The following WHRN variants were observed in gnomAD, a reference collection of about 807,000 sequenced individuals.
WHRN encodes the protein CASK-interacting protein CIP98.
Under a neutral mutation model 68.3 loss-of-function variants are expected in WHRN, and 41 were observed. The ratio of observed to expected loss-of-function variants is 0.60; its 90% confidence interval spans 0.47 to 0.78. The LOEUF (loss-of-function observed/expected upper bound fraction) is 0.78. Ranked by LOEUF, WHRN falls within the 30% of genes least tolerant of loss-of-function variation. The pLI is 0.00. For missense variants in WHRN, 1,243 were observed against 1,244.7 expected (o/e 1.00, Z 0.02); for synonymous variants, 560 against 561.3 (o/e 1.00, Z 0.03).
chr9:114,462,501 A>T (rs7851906), intron 3 of WHRN, among the ~76,000 whole-genome samples: 113,435 of 152,118 alleles, frequency 0.75, 42,502 homozygotes, highest in East Asian at 0.97. Context: ...CCAGGGCTCC[A>T]GTCCTTCCCT....
intron 3 of WHRN, among the ~76,000 whole-genome samples, chr9:114,456,576 C>A (rs1474936555): frequency 6.6e-6 from 1 of 151,994 alleles, no homozygotes; most frequent in African/African-American, 2.4e-5. Context: ...GTCTGTAATC[C>A]CAGCACTTTG....
chr9:114,469,663 C>G (rs1169691612), intron 2 of WHRN, among the ~76,000 whole-genome samples: 2 of 152,246 alleles, frequency 1.3e-5, no homozygotes, highest in East Asian at 3.8e-4. Flanking sequence ...GCTGAGAAGG[C>G]ACGGCAGCCC....
In WHRN at chr9:114,486,959, GTATATATATATATATATA is replaced by G. The variant is rs869241280; in HGVS notation, c.619-8206_619-8189del. On this transcript the variant is annotated intron_variant, in intron 1 of 11. Transcript: ENST00000362057. The stretch of plus-strand genomic sequence containing the variant: ...GTGTGTGTTGTGTGTGTGTGTGTGT[GTATATATATATATATATA>G]TATATATATATATATATATATATAT... 5.6e-3 allele frequency among the ~76,000 whole-genome samples: 28 copies of G among 5,034 alleles called. 2 individuals are homozygous for G. The highest frequency in any genetic ancestry group is 6.3e-3 in the African/African-American group (26 of 4,156). 3.3% of individuals were successfully genotyped at this position (5,034 alleles called of 152,430 possible). A position where few individuals can be genotyped will look rare whatever the true frequency, so the allele number is the denominator to read the frequency against.
At chr9:114,441,018 A>C (rs1023824860) in intron 3 of WHRN, among the ~76,000 whole-genome samples, 1 of 152,234 alleles carries the variant, frequency 6.6e-6, no homozygotes, top group Admixed American at 6.5e-5. Flanking sequence ...TGAGGTCTGC[A>C]GCTACACTCG....
chr9:114,403,442 G>A (rs976211489), intron 10 of WHRN, 103 bp from the exon 11 acceptor site: 87 of 1,500,502 alleles, frequency 5.8e-5, no homozygotes, highest in Non-Finnish European at 7.6e-5. Context: ...CAGAGCTCAG[G>A]CTCCAGCCCT....
intron 6 of WHRN, 65 bp from the exon 7 acceptor site, chr9:114,423,588 G>C (rs1395755578): frequency 1.3e-6 from 2 of 1,483,738 alleles, no homozygotes; most frequent in African/African-American, 2.8e-5. Context: ...CAGGGGCCCT[G>C]CTACCCCCAA....
intron 3 of WHRN, among the ~76,000 whole-genome samples, chr9:114,461,106 C>T (rs1373170367): frequency 1.3e-5 from 2 of 152,154 alleles, no homozygotes; most frequent in Non-Finnish European, 2.9e-5. Flanking sequence ...GCAAATAAAG[C>T]CTTTGATTGC....
Position 114,501,588 on chromosome 9 carries a change from T to A in WHRN, c.618+2596A>T, listed in dbSNP as rs961087636. 2.5e-4 allele frequency among the ~76,000 whole-genome samples: 29 copies of A among 115,426 alleles called. No individual in the cohort carries two copies. In the East Asian group the frequency reaches 2.8e-3, roughly 11 times the overall value. 75.7% of individuals were successfully genotyped at this position (115,426 alleles called of 152,430 possible). ...CACACACACACACACACACACACAC[T>A]GAATCTCTCCGTTTGGGAAGCTCAG... On this transcript the variant is annotated intron_variant, in intron 1 of 11. Coordinates refer to ENST00000362057, the MANE Select transcript of WHRN (RefSeq NM_015404.4).
intron 2 of WHRN, among the ~76,000 whole-genome samples, chr9:114,472,341 C>G (rs1323343225): frequency 6.6e-6 from 1 of 152,234 alleles, no homozygotes; most frequent in East Asian, 1.9e-4. Flanking sequence ...CCTCTGTAAT[C>G]TCACAGGTCT....
intron 7 of WHRN, among the ~76,000 whole-genome samples, chr9:114,412,245 A>G (rs556547744): frequency 2.6e-5 from 4 of 152,364 alleles, no homozygotes; most frequent in Admixed American, 2.0e-4. Context: ...CAGCCGGCTA[A>G]GAACCCGGGG....
chr9:114,445,535 A>C (rs1838743676), intron 3 of WHRN, among the ~76,000 whole-genome samples: 1 of 152,192 alleles, frequency 6.6e-6, no homozygotes, highest in African/African-American at 2.4e-5. Flanking sequence ...AAGTGTATAA[A>C]GAAAAAAATT....
At chr9:114,436,992 C>T (rs1214723361) in intron 3 of WHRN, among the ~76,000 whole-genome samples, 2 of 152,086 alleles carry the variant, frequency 1.3e-5, no homozygotes, top group Non-Finnish European at 2.9e-5. Context: ...AACCCTGATA[C>T]AGAAAAGCTA....
intron 3 of WHRN, among the ~76,000 whole-genome samples, chr9:114,445,530 T>C (rs932894000): frequency 8.6e-5 from 13 of 151,866 alleles, no homozygotes; most frequent in African/African-American, 2.2e-4. Context: ...CTGTCAAGTG[T>C]ATAAAGAAAA....
Position 114,403,477 on chromosome 9 carries a change from C to T in WHRN, c.2419-138G>A, listed in dbSNP as rs535940945. ...TGTGTCGGGAGCCTCAGGTGTGCAA[C>T]GCACTAAGCCAAGCACTTGTGTTCT... On this transcript the variant is annotated intron_variant, in intron 10 of 11. Transcript: ENST00000362057. 6.8e-4 allele frequency: 780 copies of T among 1,139,968 alleles called. 3 individuals carry two copies. The highest frequency in any genetic ancestry group is 4.6e-3 in the Middle Eastern group (17 of 3,676). 70.6% of individuals were successfully genotyped at this position (1,139,968 alleles called of 1,614,324 possible).
intron 7 of WHRN, among the ~76,000 whole-genome samples, chr9:114,417,459 G>A (rs979593829): frequency 1.3e-5 from 2 of 152,252 alleles, no homozygotes; most frequent in Non-Finnish European, 2.9e-5. Flanking sequence ...AAGTGGCCGG[G>A]GAGTGTGTGC....
Position 114,478,644 on chromosome 9 carries a change from C to T in WHRN, c.746G>A (p.Gly249Asp). The change falls in exon 2 of 12, where the codon GGC becomes GAC. Residue 249 changes from glycine to aspartate, a missense_variant. Transcript: ENST00000362057. Reference protein sequence around the residue: ...PQGRSISPPSGLPQPHGGALR... With the variant: ...PQGRSISPPSDLPQPHGGALR... ...GGCACCACCGTGGGGCTGGGGCAGG[C>T]CCGAGGGTGGGGAGATGCTGCGGCC... 1.2e-6 allele frequency: 2 copies of T among 1,613,682 alleles called. No homozygotes were observed. The highest frequency in any genetic ancestry group is 1.1e-5 in the South Asian group (1 of 90,998).
At chr9:114,451,591 G>A (rs1839341357) in intron 3 of WHRN, among the ~76,000 whole-genome samples, 1 of 152,052 alleles carries the variant, frequency 6.6e-6, no homozygotes, top group South Asian at 2.1e-4. Context: ...AACCCCAAGT[G>A]AAGACCATTC....
intron 10 of WHRN, 138 bp downstream of exon 10, chr9:114,403,758 A>T: frequency 8.9e-7 from 1 of 1,126,804 alleles, no homozygotes; most frequent in East Asian, 2.4e-5. Flanking sequence ...AGGACGTCCA[A>T]ATCCCTCCAG....
chr9:114,425,959 G>C (rs1836814032), intron 4 of WHRN: 2 of 569,906 alleles, frequency 3.5e-6, no homozygotes, highest in East Asian at 3.2e-5. Context: ...AAGGTCTATA[G>C]AATGAGTTAA....
Sources: allele counts gnomAD v4.1 joint callset (sites outside exome capture counted in the v4.1 genomes callset), GRCh38; gene constraint gnomAD v4.1.1; transcripts MANE v1.5; gene names NCBI Gene and HGNC (gene_info 2026-07-23, HGNC 2026-07-21).